Variants in TPX2 observed in about 807,000 individuals in gnomAD.
The protein encoded by TPX2 is targeting protein for Xklp2.
In TPX2, 21 loss-of-function variants were observed where a neutral mutation model predicts 93.6. The observed-to-expected ratio is 0.22, with a 90% CI of 0.16 to 0.32. TPX2 has a LOEUF of 0.32. TPX2 is among the 10% of genes least tolerant of loss of function. TPX2 has a pLI of 1.00. For missense variants in TPX2, 776 were observed against 871.1 expected (o/e 0.89, Z 1.37); for synonymous variants, 281 against 298.3 (o/e 0.94, Z 0.60).
At chr20:31,763,919 TGAGGTA>T in intron 4 of TPX2, among the ~76,000 whole-genome samples, 2 of 151,416 alleles carry the variant, frequency 1.3e-5, no homozygotes, top group African/African-American at 4.9e-5. Context: ...CTCGGGAGGC[TGAGGTA>T]GGAGAATCGC....
intron 9 of TPX2, 142 bp downstream of exon 9, chr20:31,777,780 C>CTTTTT: frequency 1.5e-6 from 1 of 654,782 alleles, no homozygotes; most frequent in Non-Finnish European, 2.2e-6. Flanking sequence ...TATAACAGAT[C>CTTTTT]TTTTTTTTTT....
intron 10 of TPX2, among the ~76,000 whole-genome samples, chr20:31,781,517 G>C (rs926181762): frequency 1.3e-5 from 2 of 151,484 alleles, no homozygotes; most frequent in Non-Finnish European, 2.9e-5. Flanking sequence ...CCCCTGCCTC[G>C]GCCTCCCAAA....
At chr20:31,794,755 AGTGTGTGTGTGTGT>A (rs35018680) in intron 15 of TPX2, among the ~76,000 whole-genome samples, 8 of 145,390 alleles carry the variant, frequency 5.5e-5, no homozygotes, top group African/African-American at 1.8e-4. Flanking sequence ...TCTGTCGCAT[AGTGTGTGTGTGTGT>A]GTGTGTGTGT....
intron 12 of TPX2, among the ~76,000 whole-genome samples, chr20:31,786,085 T>G (rs555353080): frequency 6.6e-6 from 1 of 152,240 alleles, no homozygotes; most frequent in Non-Finnish European, 1.5e-5. Context: ...CTAAGCTTTT[T>G]ACATTTATAT....
At chr20:31,760,824 A>T (rs954412403) in intron 4 of TPX2, among the ~76,000 whole-genome samples, 1 of 152,252 alleles carries the variant, frequency 6.6e-6, no homozygotes, top group Admixed American at 6.5e-5. Flanking sequence ...ATTTTAAAAG[A>T]TGATGGATCG....
At chr20:31,757,057 A>G (rs2061856477) in intron 2 of TPX2, among the ~76,000 whole-genome samples, 1 of 152,120 alleles carries the variant, frequency 6.6e-6, no homozygotes, top group Non-Finnish European at 1.5e-5. Flanking sequence ...TTTTAGAGAC[A>G]GGGTCAACTG....
At chr20:31,782,503 T>A in intron 11 of TPX2, 113 bp downstream of exon 11, 1 of 1,374,680 alleles carries the variant, frequency 7.3e-7, no homozygotes, top group South Asian at 1.4e-5. Flanking sequence ...TTATGGCATT[T>A]GAGTAGTAGG....
chr20:31,793,466 A>G (rs2123088845), intron 13 of TPX2, among the ~76,000 whole-genome samples: 1 of 152,286 alleles, frequency 6.6e-6, no homozygotes, highest in East Asian at 1.9e-4. Flanking sequence ...TGGGTTTGGC[A>G]ATCCTATTCT....
chr20:31,753,393 A>C (rs1343538479), intron 2 of TPX2, among the ~76,000 whole-genome samples: 1 of 152,188 alleles, frequency 6.6e-6, no homozygotes, highest in Non-Finnish European at 1.5e-5. Flanking sequence ...TGTTTTGCAT[A>C]TCAGAAAGAA....
Position 31,801,356 on chromosome 20 carries a change from AT to A in TPX2, c.*277del, listed in dbSNP as rs35618779. The A allele has an allele frequency of 1.4e-3, 490 of 354,836 alleles. No individual in the cohort carries two copies. The highest frequency in any genetic ancestry group is 2.2e-3 in the Non-Finnish European group (417 of 191,292). 22.0% of individuals were successfully genotyped at this position (354,836 alleles called of 1,614,324 possible). ...TTTAAACCATCAGCCGGCCTTTTAT[AT>A]GGGTCTTCACTCTGACTAGAATTTA... On this transcript the variant is annotated 3_prime_UTR_variant, in exon 18 of 18. Coordinates refer to ENST00000300403, the MANE Select transcript of TPX2 (RefSeq NM_012112.5).
intron 11 of TPX2, 31 bp from the exon 12 acceptor site, chr20:31,783,674 T>C: frequency 6.3e-7 from 1 of 1,575,170 alleles, no homozygotes; most frequent in African/African-American, 1.4e-5. Flanking sequence ...TTAAAATTTT[T>C]TTTGTGGTTA....
Position 31,757,449 on chromosome 20 carries a change from C to A in TPX2, c.-28C>A. On this transcript the variant is annotated 5_prime_UTR_variant, in exon 3 of 18. Coordinates refer to ENST00000300403, the MANE Select transcript of TPX2 (RefSeq NM_012112.5). ...AAAGTGGTACAAATACTGGGAAAAA[C>A]CTGCTCTTCTGCGTTAAGTGGGAGA... The A allele has an allele frequency of 6.3e-7, 1 of 1,583,352 alleles. No individual in the cohort carries two copies. The highest frequency in any genetic ancestry group is 8.7e-7 in the Non-Finnish European group (1 of 1,154,224).
intron 2 of TPX2, among the ~76,000 whole-genome samples, chr20:31,753,319 G>A (rs1459444083): frequency 3.9e-5 from 6 of 152,160 alleles, no homozygotes; most frequent in East Asian, 1.9e-4. Flanking sequence ...GTGATACTGG[G>A]CAAGTCATTT....
intron 15 of TPX2, among the ~76,000 whole-genome samples, chr20:31,797,041 A>G (rs1276297140): frequency 6.6e-6 from 1 of 151,844 alleles, no homozygotes; most frequent in Non-Finnish European, 1.5e-5. Context: ...AACATGGCAC[A>G]TGTATACATA....
Position 31,754,074 on chromosome 20 carries a change from C to T in TPX2, c.-70-3333C>T, listed in dbSNP as rs1397372044. Among the ~76,000 whole-genome samples the T allele has an allele frequency of 2.0e-5, 3 of 151,906 alleles. No individual in the cohort carries two copies. In the East Asian group the frequency reaches 5.8e-4, roughly 29 times the overall value. On this transcript the variant is annotated intron_variant, in intron 2 of 17. Coordinates refer to ENST00000300403, the MANE Select transcript of TPX2 (RefSeq NM_012112.5). ...AACAATAACAGATGTTTCTGAGACACTATAAGGACCAGAAGTACATTATTT... is the reference window on the plus strand; with the variant it reads ...AACAATAACAGATGTTTCTGAGACATTATAAGGACCAGAAGTACATTATTT...
At chr20:31,794,786 G>GTGTGTGTGTA (rs1555788460) in intron 15 of TPX2, among the ~76,000 whole-genome samples, 1 of 151,084 alleles carries the variant, frequency 6.6e-6, no homozygotes, top group African/African-American at 2.4e-5. Context: ...GTGTGTGTGT[G>GTGTGTGTGTA]TGTGTATGTG....
chr20:31,801,414 G>T lies in TPX2; in HGVS notation c.*334G>T. On this transcript the variant is annotated 3_prime_UTR_variant, in exon 18 of 18. Coordinates refer to ENST00000300403, the MANE Select transcript of TPX2 (RefSeq NM_012112.5). The stretch of plus-strand genomic sequence containing the variant: ...GTGTCAGCACAGTGTAATCTCTATT[G>T]CTATTGCCCCTTACGACTCTCACCC... 5.1e-6 allele frequency: 1 copy of T among 195,836 alleles called. No individual in the cohort carries two copies. 12.1% of individuals were successfully genotyped at this position (195,836 alleles called of 1,614,324 possible).
intron 7 of TPX2, among the ~76,000 whole-genome samples, chr20:31,774,159 G>A (rs2061981295): frequency 6.6e-6 from 1 of 152,090 alleles, no homozygotes; most frequent in African/African-American, 2.4e-5. Context: ...ATGAGCCACC[G>A]CGCCTGGCTG....
At chr20:31,797,899 T>C (rs2062147696) in intron 16 of TPX2, among the ~76,000 whole-genome samples, 1 of 152,170 alleles carries the variant, frequency 6.6e-6, no homozygotes, top group Admixed American at 6.5e-5. Flanking sequence ...GGCAGTGTGC[T>C]AGAATACTGG....
Sources: gnomAD v4.1 joint callset for allele counts (sites outside exome capture counted in the v4.1 genomes callset) on GRCh38, gnomAD v4.1.1 for gene constraint, MANE v1.5 for transcripts, NCBI Gene and HGNC (gene_info 2026-07-23, HGNC 2026-07-21) for gene names.